Variants in SNX31 observed in about 807,000 individuals in gnomAD.
The protein encoded by SNX31 is sorting nexin-31.
In SNX31, 58 loss-of-function variants were observed where a neutral mutation model predicts 65.4. That is an observed-to-expected ratio of 0.89 (90% CI 0.72 to 1.10). The LOEUF is 1.10. Ranked by LOEUF, SNX31 falls within the 50% of genes least tolerant of loss-of-function variation. The probability of loss-of-function intolerance (pLI) is 0.00; values close to 1 mark genes in which losing one functional copy is unlikely to be tolerated. For synonymous variants in SNX31, 181 were observed against 190.1 expected (o/e 0.95, Z 0.39); for missense variants, 523 against 529.7 (o/e 0.99, Z 0.12).
chr8:100,583,138 ACT>A (rs992708852), intron 12 of SNX31, among the ~76,000 whole-genome samples: 1 of 149,690 alleles, frequency 6.7e-6, no homozygotes, highest in Non-Finnish European at 1.5e-5. Context: ...ATGGAGTCTC[ACT>A]CTGTCACCCA....
At chr8:100,636,161 T>C (rs934093266) in intron 2 of SNX31, 150 bp from the exon 3 acceptor site, 2 of 590,424 alleles carry the variant, frequency 3.4e-6, no homozygotes, top group Non-Finnish European at 6.1e-6. Context: ...AAGAGGACAA[T>C]CTGATTTTCT....
In SNX31 at chr8:100,630,250, G is replaced by T; in HGVS notation, c.321+77C>A. 7.3e-7 allele frequency: 1 copy of T among 1,367,900 alleles called. No homozygotes were observed. The highest frequency in any genetic ancestry group is 1.0e-6 in the Non-Finnish European group (1 of 960,466). 84.7% of individuals were successfully genotyped at this position (1,367,900 alleles called of 1,614,324 possible). A position where few individuals can be genotyped will look rare whatever the true frequency, so the allele number is the denominator to read the frequency against. On this transcript the variant is annotated intron_variant, in intron 4 of 13. Transcript: ENST00000311812. The surrounding 1 kb of genome is among the most constrained non-coding windows in gnomAD (Gnocchi z 5.3). Reference sequence around the variant, plus strand: ...GGGGCTGTGACCAGTGCACACATGTGTGTGTACCTGCACACTTGGTTCATG... The same window carrying T: ...GGGGCTGTGACCAGTGCACACATGTTTGTGTACCTGCACACTTGGTTCATG...
In SNX31 at chr8:100,596,770, C is replaced by T; in HGVS notation, c.847G>A (p.Glu283Lys). 6.2e-7 allele frequency: 1 copy of T among 1,614,146 alleles called. No homozygotes were observed. The highest frequency in any genetic ancestry group is 8.5e-7 in the Non-Finnish European group (1 of 1,180,024). ...GAAAGAACAGCTCCAGAGCCTGATT[C>T]TGGGTAGTCACAGGTACAAGGATCC... ...QLDPCTCDYP[E>K]SGSGAVLSVG... Residue 283 changes from glutamate to lysine, a missense_variant, in exon 10 of 14, where the codon GAA becomes AAA. By Grantham distance (56) the Glu-to-Lys change is moderately conservative. Coordinates refer to ENST00000311812, the MANE Select transcript of SNX31 (RefSeq NM_152628.4).
At chr8:100,616,072 C>A (rs930368012) in intron 5 of SNX31, among the ~76,000 whole-genome samples, 1 of 152,140 alleles carries the variant, frequency 6.6e-6, no homozygotes, top group South Asian at 2.1e-4. Flanking sequence ...CAGTGCCTGG[C>A]CAAAACATAT....
At chr8:100,581,130 TAC>T (rs1813461863) in intron 12 of SNX31, among the ~76,000 whole-genome samples, 1 of 112,124 alleles carries the variant, frequency 8.9e-6, no homozygotes. Flanking sequence ...ACCTTACCTC[TAC>T]AAAAAAAAAA....
At chr8:100,621,375 TG>T (rs1454457242) in intron 4 of SNX31, among the ~76,000 whole-genome samples, 7 of 152,226 alleles carry the variant, frequency 4.6e-5, no homozygotes, top group African/African-American at 1.7e-4. Flanking sequence ...AGCTACCATG[TG>T]TTAAGCTGCC....
chr8:100,640,088 A>G (rs2131245156), intron 2 of SNX31, among the ~76,000 whole-genome samples: 1 of 152,168 alleles, frequency 6.6e-6, no homozygotes, highest in Middle Eastern at 3.4e-3. Context: ...CGACTAGACA[A>G]ATCTCTTGTG....
intron 12 of SNX31, among the ~76,000 whole-genome samples, chr8:100,583,654 C>A (rs184110129): frequency 6.6e-6 from 1 of 151,976 alleles, no homozygotes; most frequent in African/African-American, 2.4e-5. Flanking sequence ...TACTACCTCC[C>A]CCAACTGTTA....
At chr8:100,608,391 G>A in intron 8 of SNX31, 103 bp downstream of exon 8, 1 of 986,032 alleles carries the variant, frequency 1.0e-6, no homozygotes, top group Non-Finnish European at 1.6e-6. Context: ...GCCTGTTTTA[G>A]GTGTGGAGGT....
At chr8:100,597,493 T>G (rs942366413) in intron 9 of SNX31, among the ~76,000 whole-genome samples, 5 of 152,238 alleles carry the variant, frequency 3.3e-5, no homozygotes, top group African/African-American at 1.2e-4. Context: ...TCCACCTGCC[T>G]GAGCCTCCCA....
At chr8:100,640,731 C>A (rs1056990537) in intron 2 of SNX31, among the ~76,000 whole-genome samples, 3 of 151,880 alleles carry the variant, frequency 2.0e-5, no homozygotes, top group Admixed American at 2.0e-4. Flanking sequence ...AAATATAAGA[C>A]AAATTCCAAG....
chr8:100,582,046 G>A (rs1813602087), intron 12 of SNX31, among the ~76,000 whole-genome samples: 1 of 152,130 alleles, frequency 6.6e-6, no homozygotes, highest in Admixed American at 6.5e-5. Context: ...AAAAAATAAA[G>A]AGTTTCTGGA....
intron 10 of SNX31, among the ~76,000 whole-genome samples, chr8:100,595,895 C>T (rs1815038510): frequency 1.3e-5 from 2 of 152,086 alleles, no homozygotes; most frequent in African/African-American, 4.8e-5. Context: ...ACCAGAATTT[C>T]AGGAATGCTC....
rs566336306 is a variant in SNX31 at position 100,623,922 on chromosome 8, C to T, written c.322-6192G>A. Among the ~76,000 whole-genome samples, 120 of 145,858 alleles carry T rather than the reference C, an allele frequency of 8.2e-4. 1 individual carries two copies. The highest frequency in any genetic ancestry group is 1.6e-3 in the Non-Finnish European group (106 of 67,510). ...TCTGTCTTCAGGGCTGCTATAGGTA[C>T]GGAAGGAGTTTAGTCATATGTTTTG... On this transcript the variant is annotated intron_variant, in intron 4 of 13. Coordinates refer to ENST00000311812, the MANE Select transcript of SNX31 (RefSeq NM_152628.4).
chr8:100,635,801 A>G (rs1012966210), intron 3 of SNX31, 96 bp downstream of exon 3: 2 of 760,336 alleles, frequency 2.6e-6, no homozygotes, highest in Non-Finnish European at 4.3e-6. Flanking sequence ...ACATAAATAT[A>G]TTGTAAAAGA....
chr8:100,659,698 TC>T (rs1809745465), intron 1 of SNX31, among the ~76,000 whole-genome samples: 2 of 152,202 alleles, frequency 1.3e-5, no homozygotes, highest in South Asian at 4.1e-4. Flanking sequence ...GTAAAAAGTT[TC>T]CTCAACCCCA....
intron 1 of SNX31, among the ~76,000 whole-genome samples, chr8:100,656,326 A>C (rs1240805403): frequency 2.0e-5 from 3 of 151,742 alleles, no homozygotes; most frequent in Non-Finnish European, 4.4e-5. Flanking sequence ...AGAAACTTCC[A>C]CTCCTGCTCT....
At chr8:100,653,566 A>G (rs1171621824), upstream of SNX31, among the ~76,000 whole-genome samples, 1 of 152,236 alleles carries the variant, frequency 6.6e-6, no homozygotes, top group Non-Finnish European at 1.5e-5. Flanking sequence ...TCAGGCCACC[A>G]GAAGCTCAGG....
intron 10 of SNX31, among the ~76,000 whole-genome samples, chr8:100,592,078 A>G (rs932294286): frequency 6.6e-6 from 1 of 152,208 alleles, no homozygotes; most frequent in African/African-American, 2.4e-5. Flanking sequence ...CAGAAAGCAA[A>G]AAGAAAAAAG....
Sources: allele counts gnomAD v4.1 joint callset (sites outside exome capture counted in the v4.1 genomes callset), GRCh38; gene constraint gnomAD v4.1.1; non-coding constraint Gnocchi (gnomAD v3.1); transcripts MANE v1.5; gene names NCBI Gene and HGNC (gene_info 2026-07-23, HGNC 2026-07-21).